The following MAGI2 variants were observed in gnomAD, a reference collection of about 807,000 sequenced individuals.
MAGI2 encodes membrane associated guanylate kinase, WW and PDZ domain containing 2.
Under a neutral mutation model 133.3 loss-of-function variants are expected in MAGI2, and 35 were observed. The observed-to-expected ratio is 0.26, with a 90% confidence interval of 0.20 to 0.35. MAGI2 has a LOEUF of 0.35. Ranked by LOEUF, MAGI2 falls within the 10% of genes least tolerant of loss-of-function variation. The pLI is 1.00. For missense variants in MAGI2, 1,636 were observed against 1,863.4 expected (o/e 0.88, Z 2.25); for synonymous variants, 729 against 710.6 (o/e 1.03, Z -0.41).
chr7:79,156,336 G>A (rs1823776049), intron 1 of MAGI2, among the ~76,000 whole-genome samples: 1 of 152,052 alleles, frequency 6.6e-6, no homozygotes, highest in Admixed American at 6.6e-5. Flanking sequence ...GAATCAGTAT[G>A]CTGTTAAAGA....
At chr7:78,881,536 C>T (rs1352777687) in intron 2 of MAGI2, among the ~76,000 whole-genome samples, 2 of 151,802 alleles carry the variant, frequency 1.3e-5, no homozygotes, top group African/African-American at 4.8e-5. Context: ...ATGTAACAAA[C>T]CTGCACATTG....
intron 9 of MAGI2, among the ~76,000 whole-genome samples, chr7:78,328,728 G>C (rs1424401890): frequency 6.6e-6 from 1 of 151,980 alleles, no homozygotes; most frequent in Non-Finnish European, 1.5e-5. Flanking sequence ...GGCAATCTAA[G>C]TAATTTTTTC....
intron 2 of MAGI2, among the ~76,000 whole-genome samples, chr7:78,745,557 A>G (rs554740920): frequency 6.6e-6 from 1 of 152,206 alleles, no homozygotes; most frequent in Non-Finnish European, 1.5e-5. Context: ...CAACAACGTT[A>G]TTTCCAGAGG....
chr7:79,038,054 C>T (rs769156050), intron 1 of MAGI2, among the ~76,000 whole-genome samples: 2 of 152,232 alleles, frequency 1.3e-5, no homozygotes, highest in Non-Finnish European at 1.5e-5. Flanking sequence ...AGAAGTTTCT[C>T]TTTTTGTGAC....
chr7:79,439,901 T>C (rs1369727537), intron 1 of MAGI2, among the ~76,000 whole-genome samples: 1 of 152,140 alleles, frequency 6.6e-6, no homozygotes, highest in Non-Finnish European at 1.5e-5. Context: ...GTGGTATGCA[T>C]ACACGATTTC....
intron 2 of MAGI2, among the ~76,000 whole-genome samples, chr7:78,717,356 G>C (rs1200775644): frequency 6.6e-6 from 1 of 152,038 alleles, no homozygotes; most frequent in Non-Finnish European, 1.5e-5. Context: ...AATTAAGCAG[G>C]ATGCAACATC....
At chr7:78,683,396 G>A (rs1408417026) in intron 2 of MAGI2, among the ~76,000 whole-genome samples, 2 of 152,176 alleles carry the variant, frequency 1.3e-5, no homozygotes, top group Non-Finnish European at 2.9e-5. Flanking sequence ...TATGAAGAAA[G>A]ATGTCAAGGG....
In MAGI2 at chr7:78,256,192, G is replaced by C. The variant is rs1187897405; in HGVS notation, c.1798C>G (p.Gln600Glu). 3 of 1,613,888 alleles carry C rather than the reference G, an allele frequency of 1.9e-6. No individual in the cohort carries two copies. Among genetic ancestry groups the C allele is most frequent in the Non-Finnish European group, 2.5e-6 (3 of 1,179,994 alleles). ...NVSMASSGAT[Q>E]AELMTLTIVK... is the part of the protein sequence containing the mutation. ...ATGGTTAAGGTCATAAGTTCAGCTTGGGTGGCCCCAGATGAAGCCATAGAC... is the reference window on the plus strand; with the variant it reads ...ATGGTTAAGGTCATAAGTTCAGCTTCGGTGGCCCCAGATGAAGCCATAGAC... Residue 600 changes from glutamine (Q) to glutamate (E), a missense_variant, in exon 10 of 22, where the codon CAA (glutamine) becomes GAA (glutamate). Physicochemically the swap from Gln to Glu is conservative, Grantham distance 29. Transcript: ENST00000354212.
At chr7:79,014,452 T>A (rs1035881255) in intron 1 of MAGI2, among the ~76,000 whole-genome samples, 1 of 152,150 alleles carries the variant, frequency 6.6e-6, no homozygotes, top group Admixed American at 6.6e-5. Context: ...TTTAATAATG[T>A]ACCAATGGCT....
chr7:78,443,822 C>T (rs1364154746), intron 6 of MAGI2, among the ~76,000 whole-genome samples: 1 of 152,114 alleles, frequency 6.6e-6, no homozygotes, highest in Non-Finnish European at 1.5e-5. Context: ...TCAAAGATGT[C>T]TCAAAGTTAG....
At chr7:78,337,891 A>ACCAT (rs112967411) in intron 9 of MAGI2, among the ~76,000 whole-genome samples, 21,859 of 149,992 alleles carry the variant, frequency 0.15, 1,698 homozygotes, top group Middle Eastern at 0.19. Flanking sequence ...CCATCCAATC[A>ACCAT]CCATCCATCC....
At chr7:78,070,570 G>GTGTGTATATATGTGTATATATA (rs1415296971) in intron 21 of MAGI2, among the ~76,000 whole-genome samples, 1 of 69,462 alleles carries the variant, frequency 1.4e-5, no homozygotes, top group Non-Finnish European at 3.3e-5. Flanking sequence ...GTATATATAT[G>GTGTGTATATATGTGTATATATA]TGTGTATATA....
chr7:78,519,346 G>C (rs1329652826), intron 4 of MAGI2, among the ~76,000 whole-genome samples: 1 of 152,022 alleles, frequency 6.6e-6, no homozygotes, highest in Non-Finnish European at 1.5e-5. Context: ...TTGAACAGTG[G>C]GTGAAGGGCT....
At chr7:79,370,076 G>A (rs1842959902) in intron 1 of MAGI2, among the ~76,000 whole-genome samples, 1 of 151,852 alleles carries the variant, frequency 6.6e-6, no homozygotes, top group Admixed American at 6.6e-5. Flanking sequence ...AATTGGACAA[G>A]GATAGATGTG....
intron 6 of MAGI2, among the ~76,000 whole-genome samples, chr7:78,446,279 C>T (rs991688207): frequency 6.6e-6 from 1 of 151,894 alleles, no homozygotes; most frequent in African/African-American, 2.4e-5. Flanking sequence ...TAGATGTTCT[C>T]AAGACTTAAT....
chr7:79,075,608 T>G (rs928063226), intron 1 of MAGI2, among the ~76,000 whole-genome samples: 1 of 151,594 alleles, frequency 6.6e-6, no homozygotes, highest in African/African-American at 2.4e-5. Flanking sequence ...AAAAAATATA[T>G]AAAAATTAGC....
At chr7:79,165,060 CAG>C (rs1178384899) in intron 1 of MAGI2, among the ~76,000 whole-genome samples, 2 of 151,984 alleles carry the variant, frequency 1.3e-5, no homozygotes, top group Non-Finnish European at 2.9e-5. Flanking sequence ...TTTAGGAACT[CAG>C]AGTCTTATTT....
At chr7:78,933,065 G>T (rs1800255801) in intron 2 of MAGI2, among the ~76,000 whole-genome samples, 2 of 152,048 alleles carry the variant, frequency 1.3e-5, no homozygotes, top group South Asian at 4.1e-4. Context: ...CTGACAAAAA[G>T]GCATGGATCA....
chr7:78,456,834 C>T (rs1789370784), intron 6 of MAGI2: 1 of 152,076 alleles, frequency 6.6e-6, no homozygotes, highest in African/African-American at 2.4e-5. Context: ...ATGATACCAA[C>T]CATAGTTAAA....
Sources: allele counts gnomAD v4.1 joint callset (sites outside exome capture counted in the v4.1 genomes callset), GRCh38; gene constraint gnomAD v4.1.1; transcripts MANE v1.5; gene names NCBI Gene and HGNC (gene_info 2026-07-23, HGNC 2026-07-21).